ENTREP2: variants seen among roughly 807,000 people sequenced by gnomAD.
The protein encoded by ENTREP2 is endosomal transmembrane epsin interactor 2, also known as protein ENTREP2.
the ENTREP2 span, among the ~76,000 whole-genome samples, chr15:29,656,706 G>C: frequency 2.0e-5 from 3 of 152,126 alleles, no homozygotes; most frequent in Non-Finnish European, 1.5e-5. Flanking sequence ...CCAAATGCTC[G>C]CAAGGACGTG....
chr15:29,512,265 C>T, the ENTREP2 span, among the ~76,000 whole-genome samples: 2 of 152,072 alleles, frequency 1.3e-5, no homozygotes, highest in African/African-American at 4.8e-5. Flanking sequence ...CTTCAGGCCC[C>T]ATAAAGCTAT....
At chr15:29,635,395 A>C in the ENTREP2 span, among the ~76,000 whole-genome samples, 1 of 152,090 alleles carries the variant, frequency 6.6e-6, no homozygotes, top group Admixed American at 6.5e-5. Context: ...TCACAATATC[A>C]CAGGGGCCAT....
chr15:29,306,498 C>T, the ENTREP2 span, among the ~76,000 whole-genome samples: 1 of 152,076 alleles, frequency 6.6e-6, no homozygotes, highest in African/African-American at 2.4e-5. Context: ...TAGGATACCA[C>T]ATGACAATGT....
the ENTREP2 span, among the ~76,000 whole-genome samples, chr15:29,479,185 T>G: frequency 2.4e-5 from 3 of 125,728 alleles, no homozygotes; most frequent in African/African-American, 9.3e-5. Context: ...CCAGCCTGGG[T>G]GACAGAGCGA....
the ENTREP2 span, among the ~76,000 whole-genome samples, chr15:29,224,290 G>C: frequency 6.6e-6 from 1 of 152,294 alleles, no homozygotes; most frequent in South Asian, 2.1e-4. Flanking sequence ...TTCGCAGTGA[G>C]TGTTACAGGT....
the ENTREP2 span, among the ~76,000 whole-genome samples, chr15:29,296,926 G>C: frequency 6.6e-5 from 10 of 152,122 alleles, no homozygotes; most frequent in African/African-American, 1.9e-4. Flanking sequence ...CATATAGCCT[G>C]TGAACTAAGA....
chr15:29,124,796 A>G, the ENTREP2 span: 3 of 1,523,336 alleles, frequency 2.0e-6, no homozygotes, highest in Non-Finnish European at 2.7e-6. Context: ...AACACATGAA[A>G]GGAAAAAGGA....
chr15:29,270,972 TA>T, the ENTREP2 span, among the ~76,000 whole-genome samples: 6 of 152,240 alleles, frequency 3.9e-5, no homozygotes, highest in African/African-American at 1.4e-4. Context: ...ATTATCTGAG[TA>T]ATAGCATCAA....
At chr15:29,618,206 A>G in the ENTREP2 span, among the ~76,000 whole-genome samples, 1 of 152,022 alleles carries the variant, frequency 6.6e-6, no homozygotes, top group African/African-American at 2.4e-5. Context: ...GGCAGATCAC[A>G]AGGTCAGGAG....
the ENTREP2 span, among the ~76,000 whole-genome samples, chr15:29,138,406 G>C: frequency 2.0e-5 from 3 of 152,192 alleles, no homozygotes; most frequent in Admixed American, 2.0e-4. Flanking sequence ...TCCAGCTCCA[G>C]TCAATGCCGC....
the ENTREP2 span, among the ~76,000 whole-genome samples, chr15:29,163,463 GA>G: frequency 1.1e-4 from 16 of 150,082 alleles, no homozygotes; most frequent in African/African-American, 2.2e-4. Flanking sequence ...ATAGCTTAAA[GA>G]AAAAAAAATA....
the ENTREP2 span, among the ~76,000 whole-genome samples, chr15:29,541,576 T>A: frequency 6.6e-6 from 1 of 152,026 alleles, no homozygotes; most frequent in East Asian, 1.9e-4. Context: ...ACGTGAAGCA[T>A]AAGAAGGCAT....
chr15:29,129,434 G>A, the ENTREP2 span, among the ~76,000 whole-genome samples: 1 of 152,196 alleles, frequency 6.6e-6, no homozygotes, highest in Non-Finnish European at 1.5e-5. Flanking sequence ...CTGAGCCTAC[G>A]AGTTGCACAG....
chr15:29,233,567 A>G, the ENTREP2 span: 1 of 603,164 alleles, frequency 1.7e-6, no homozygotes, highest in East Asian at 2.8e-5. Flanking sequence ...ACCTACTGTA[A>G]TTTAGTCCAC....
chr15:29,540,437 A>G, the ENTREP2 span, among the ~76,000 whole-genome samples: 2 of 152,194 alleles, frequency 1.3e-5, no homozygotes, highest in Admixed American at 1.3e-4. Flanking sequence ...AAGGCATTCA[A>G]AAACAACACA....
chr15:29,343,729 G>A, the ENTREP2 span, among the ~76,000 whole-genome samples: 2 of 152,076 alleles, frequency 1.3e-5, no homozygotes, highest in African/African-American at 2.4e-5. Flanking sequence ...AGGGAGGGGT[G>A]GTAATGGGAA....
At chr15:29,469,660 T>C in the ENTREP2 span, among the ~76,000 whole-genome samples, 11 of 152,234 alleles carry the variant, frequency 7.2e-5, no homozygotes, top group South Asian at 2.1e-4. Flanking sequence ...ATGGTGGTGA[T>C]GGCTGAGCAA....
At chr15:29,614,737 G>A in the ENTREP2 span, among the ~76,000 whole-genome samples, 1 of 152,194 alleles carries the variant, frequency 6.6e-6, no homozygotes, top group African/African-American at 2.4e-5. Flanking sequence ...AGCCAGCACT[G>A]GGAAGGTAGA....
chr15:29,548,334 G>A, the ENTREP2 span, among the ~76,000 whole-genome samples: 1 of 151,816 alleles, frequency 6.6e-6, no homozygotes, highest in Admixed American at 6.6e-5. Flanking sequence ...GTGCATGCCT[G>A]TAATCCTAGC....
Sources: gnomAD v4.1 joint callset for allele counts (sites outside exome capture counted in the v4.1 genomes callset) on GRCh38, gnomAD v4.1.1 for gene constraint, MANE v1.5 for transcripts, NCBI Gene and HGNC (gene_info 2026-07-23, HGNC 2026-07-21) for gene names.